The following ZBTB20 variants were observed in gnomAD, a reference collection of about 807,000 sequenced individuals.
ZBTB20 encodes the protein zinc finger and BTB domain-containing protein 20.
A neutral mutation model predicts 56.9 loss-of-function variants in ZBTB20; 9 were observed. The observed-to-expected ratio is 0.16, with a 90% CI of 0.10 to 0.28. The LOEUF is 0.28. Ranked by LOEUF, ZBTB20 falls within the 10% of genes least tolerant of loss-of-function variation. ZBTB20 has a pLI of 1.00. For missense variants in ZBTB20, 655 were observed against 1,003.0 expected (o/e 0.65, Z 4.69); for synonymous variants, 417 against 420.7 (o/e 0.99, Z 0.11).
chr3:114,723,242 G>A (rs1157494355), intron 5 of ZBTB20, among the ~76,000 whole-genome samples: 1 of 151,550 alleles, frequency 6.6e-6, no homozygotes, highest in Non-Finnish European at 1.5e-5. Context: ...AAATGTCTGT[G>A]AAAAAAATCA....
chr3:115,143,308 A>T (rs1438747574), intron 1 of ZBTB20, among the ~76,000 whole-genome samples: 1 of 152,202 alleles, frequency 6.6e-6, no homozygotes, highest in African/African-American at 2.4e-5. Flanking sequence ...CATTTTTTGC[A>T]GGTCTCTCCT....
intron 6 of ZBTB20, among the ~76,000 whole-genome samples, chr3:114,557,124 T>C (rs981889387): frequency 6.6e-6 from 1 of 152,038 alleles, no homozygotes; most frequent in African/African-American, 2.4e-5. Context: ...CAACCAGTTT[T>C]ATTAGGAAGT....
At chr3:114,933,632 C>T (rs912534948) in intron 3 of ZBTB20, among the ~76,000 whole-genome samples, 3 of 151,762 alleles carry the variant, frequency 2.0e-5, no homozygotes, top group Non-Finnish European at 4.4e-5. Context: ...TAGGTGAAAA[C>T]CCAGGCCTAG....
At chr3:114,938,007 G>A (rs560742552) in intron 3 of ZBTB20, among the ~76,000 whole-genome samples, 13 of 152,032 alleles carry the variant, frequency 8.6e-5, no homozygotes, top group African/African-American at 2.9e-4. Flanking sequence ...GCTGAGGCAG[G>A]AGAATGGCGT....
intron 10 of ZBTB20, among the ~76,000 whole-genome samples, chr3:114,356,749 G>A (rs535252516): frequency 3.9e-5 from 6 of 151,996 alleles, no homozygotes; most frequent in African/African-American, 1.4e-4. Context: ...CCCTGCCTGG[G>A]GTAAGACTTC....
At position 114,389,057 on chromosome 3, in the gene ZBTB20, G is replaced by C. The variant is rs1358196020; in HGVS notation, c.-206C>G. 1 of 152,222 alleles carries C rather than the reference G, an allele frequency of 6.6e-6. No homozygotes were observed. Among genetic ancestry groups the C allele is most frequent in the Admixed American group, 6.5e-5 (1 of 15,280 alleles). 9.4% of individuals were successfully genotyped at this position (152,222 alleles called of 1,614,324 possible). A position where few individuals can be genotyped will look rare whatever the true frequency, so the allele number is the denominator to read the frequency against. On this transcript the variant is annotated 5_prime_UTR_variant, in exon 8 of 12. Coordinates refer to ENST00000675478, the MANE Select transcript of ZBTB20 (RefSeq NM_001348800.3). ...CTTCAGGTAAATTACTCCAAGGCTT[G>C]GGCCTAGTGCAGATGTTCATTGGGG...
At chr3:114,883,916 C>CTTTTTTTTTTTTTT (rs869141975) in intron 4 of ZBTB20, among the ~76,000 whole-genome samples, 2 of 89,774 alleles carry the variant, frequency 2.2e-5, no homozygotes, top group African/African-American at 8.0e-5. Context: ...ATGGTGTGTT[C>CTTTTTTTTTTTTTT]TTTTTTTTTT....
intron 3 of ZBTB20, among the ~76,000 whole-genome samples, chr3:114,939,247 T>C (rs1221739041): frequency 6.8e-6 from 1 of 146,496 alleles, no homozygotes; most frequent in Non-Finnish European, 1.5e-5. Flanking sequence ...AAGAGCTTTA[T>C]GAACAAAGAT....
intron 7 of ZBTB20, among the ~76,000 whole-genome samples, chr3:114,402,778 C>A (rs1473073046): frequency 6.6e-6 from 1 of 152,110 alleles, no homozygotes; most frequent in Non-Finnish European, 1.5e-5. Flanking sequence ...AAAGGCTTTC[C>A]CCCCTAGCTA....
At position 114,337,295 on chromosome 3, in the gene ZBTB20, T is replaced by C. The variant is rs1239455750; in HGVS notation, c.*1710A>G. 1.3e-5 allele frequency: 2 copies of C among 152,220 alleles called. No individual in the cohort carries two copies. Among genetic ancestry groups the C allele is most frequent in the African/African-American group, 4.8e-5 (2 of 41,442 alleles). 9.4% of individuals were successfully genotyped at this position (152,220 alleles called of 1,614,324 possible). A position where few individuals can be genotyped will look rare whatever the true frequency, so the allele number is the denominator to read the frequency against. On this transcript the variant is annotated 3_prime_UTR_variant, in exon 12 of 12. Coordinates refer to ENST00000675478, the MANE Select transcript of ZBTB20 (RefSeq NM_001348800.3). ...ACAGGCTTCTCATAATGATGCTCTT[T>C]GTAGTTGGGAAGGGTGAGGAGCTAT...
At chr3:114,490,873 G>A (rs573056849) in intron 7 of ZBTB20, among the ~76,000 whole-genome samples, 2 of 152,270 alleles carry the variant, frequency 1.3e-5, no homozygotes, top group Non-Finnish European at 2.9e-5. Context: ...AACAAACTGG[G>A]TATTGTGAGG....
intron 1 of ZBTB20, among the ~76,000 whole-genome samples, chr3:115,111,430 C>T (rs1039460336): frequency 1.3e-5 from 2 of 152,054 alleles, no homozygotes; most frequent in Non-Finnish European, 2.9e-5. Context: ...AGGTCACAAA[C>T]GGAAATAAAC....
chr3:114,966,621 C>G (rs1385353522), intron 3 of ZBTB20, among the ~76,000 whole-genome samples: 1 of 151,804 alleles, frequency 6.6e-6, no homozygotes, highest in Non-Finnish European at 1.5e-5. Flanking sequence ...ATAGTTCAGT[C>G]AAGACTGAAT....
intron 6 of ZBTB20, among the ~76,000 whole-genome samples, chr3:114,641,463 A>G (rs149538550): frequency 6.6e-6 from 1 of 151,882 alleles, no homozygotes; most frequent in Non-Finnish European, 1.5e-5. Context: ...TTATATAGAT[A>G]TAAGAATAAT....
intron 2 of ZBTB20, among the ~76,000 whole-genome samples, chr3:115,059,168 T>C (rs1156596120): frequency 6.6e-6 from 1 of 152,216 alleles, no homozygotes; most frequent in Non-Finnish European, 1.5e-5. Context: ...CGTTTTTTCA[T>C]TGGTAATTTT....
intron 1 of ZBTB20, among the ~76,000 whole-genome samples, chr3:115,128,937 A>G (rs962576602): frequency 2.0e-5 from 3 of 152,100 alleles, no homozygotes; most frequent in Non-Finnish European, 4.4e-5. Flanking sequence ...GTCTCTACTA[A>G]AAATACAAAA....
At chr3:114,844,520 CAAA>C (rs71146342) in intron 4 of ZBTB20, among the ~76,000 whole-genome samples, 7 of 22,802 alleles carry the variant, frequency 3.1e-4, no homozygotes, top group East Asian at 1.6e-3. Context: ...GTCCCTGTCT[CAAA>C]AAAAAAAAAA....
rs575131771 is a variant in ZBTB20 at position 114,507,750 on chromosome 3, T to C, written c.-294-7359A>G. On this transcript the variant is annotated intron_variant, in intron 6 of 11. Transcript: ENST00000675478. Reference sequence around the variant, plus strand: ...TCTAGTCTTGTTTAACTCTGTATGATTCTATAAAATTCTATAAAATGTTCA... The same window carrying C: ...TCTAGTCTTGTTTAACTCTGTATGACTCTATAAAATTCTATAAAATGTTCA... 5.2e-4 allele frequency among the ~76,000 whole-genome samples: 79 copies of C among 152,244 alleles called. 2 individuals carry two copies. In the South Asian group the frequency reaches 0.016, roughly 30 times the overall value.
At chr3:114,431,631 G>A (rs1455421450) in intron 7 of ZBTB20, among the ~76,000 whole-genome samples, 1 of 152,122 alleles carries the variant, frequency 6.6e-6, no homozygotes, top group Non-Finnish European at 1.5e-5. Context: ...CAAAAAAAGA[G>A]GGATTAAGGT....
Sources: gnomAD v4.1 joint callset for allele counts (sites outside exome capture counted in the v4.1 genomes callset) on GRCh38, gnomAD v4.1.1 for gene constraint, MANE v1.5 for transcripts, NCBI Gene and HGNC (gene_info 2026-07-23, HGNC 2026-07-21) for gene names.